The following EGFR variants were observed in gnomAD, a reference collection of about 807,000 sequenced individuals.
EGFR encodes the protein avian erythroblastic leukemia viral (v-erb-b) oncogene homolog.
In EGFR, 58 loss-of-function variants were observed where a neutral mutation model predicts 143.0. The ratio of observed to expected loss-of-function variants is 0.41; its 90% confidence interval spans 0.33 to 0.50. EGFR has a LOEUF of 0.50. Ranked by LOEUF, EGFR falls within the 20% of genes least tolerant of loss-of-function variation. EGFR has a pLI of 0.39. For missense variants in EGFR, 1,307 were observed against 1,579.0 expected (o/e 0.83, Z 2.92); for synonymous variants, 613 against 594.4 (o/e 1.03, Z -0.45).
intron 1 of EGFR, among the ~76,000 whole-genome samples, chr7:55,125,930 G>A (rs1293632961): frequency 6.6e-6 from 1 of 152,190 alleles, no homozygotes; most frequent in Non-Finnish European, 1.5e-5. Flanking sequence ...TACAAGCCTT[G>A]CAGCAGGAAC....
rs1788154782 is a variant in EGFR, at chr7:55,208,134, A to T, written c.*2517A>T. 6.6e-6 allele frequency: 1 copy of T among 152,164 alleles called. No individual in the cohort carries two copies. The highest frequency in any genetic ancestry group is 1.9e-4 in the East Asian group (1 of 5,198). The allele number at this position is 152,164 out of a possible 1,614,324, so 9.4% of individuals were successfully genotyped here. On this transcript the variant is annotated 3_prime_UTR_variant, in exon 28 of 28. Coordinates refer to ENST00000275493, the MANE Select transcript of EGFR (RefSeq NM_005228.5). ...TTCCACCATAAAGTTTAGTTGCTAA[A>T]TTCTATTAATTTTAAGATTGTGCTT...
At chr7:55,030,202 CG>C (rs1787171374) in intron 1 of EGFR, among the ~76,000 whole-genome samples, 1 of 151,954 alleles carries the variant, frequency 6.6e-6, no homozygotes, top group African/African-American at 2.4e-5. Context: ...TCCTTCAAGA[CG>C]TCATTGGGTT....
At chr7:55,138,392 C>T (rs1794275180) in intron 1 of EGFR, among the ~76,000 whole-genome samples, 1 of 152,214 alleles carries the variant, frequency 6.6e-6, no homozygotes, top group Admixed American at 6.5e-5. Context: ...GTAATATCAA[C>T]TCTTTCTTTG....
intron 2 of EGFR, among the ~76,000 whole-genome samples, chr7:55,142,823 C>A (rs549073048): frequency 6.6e-6 from 1 of 152,168 alleles, no homozygotes; most frequent in Non-Finnish European, 1.5e-5. Context: ...CCAAGTTTCA[C>A]TCAGCTGGTC....
At chr7:55,027,991 A>AAAAAAATAT (rs1554311534) in intron 1 of EGFR, among the ~76,000 whole-genome samples, 2 of 54,990 alleles carry the variant, frequency 3.6e-5, no homozygotes, top group South Asian at 8.5e-4. Context: ...AAAAAAAAAA[A>AAAAAAATAT]ATATATATAT....
chr7:55,176,838 ATATT>A (rs1562786980), intron 19 of EGFR, among the ~76,000 whole-genome samples: 1 of 147,120 alleles, frequency 6.8e-6, no homozygotes, highest in African/African-American at 2.5e-5. Flanking sequence ...AGAGAGATAT[ATATT>A]TAGAGAGATA....
At chr7:55,171,770 A>G (rs1786363376) in intron 16 of EGFR, among the ~76,000 whole-genome samples, 1 of 152,232 alleles carries the variant, frequency 6.6e-6, no homozygotes, top group Non-Finnish European at 1.5e-5. Flanking sequence ...ACTCACCAGG[A>G]AAGAGTGGTG....
At chr7:55,205,128 C>T (rs979189972) in intron 27 of EGFR, 128 bp from the exon 28 acceptor site, 4 of 1,421,544 alleles carry the variant, frequency 2.8e-6, no homozygotes, top group Admixed American at 2.1e-5. Flanking sequence ...CAAGAGGGCC[C>T]TCCCGAGGCT....
intron 27 of EGFR, among the ~76,000 whole-genome samples, chr7:55,204,884 CCA>C (rs924953715): frequency 1.3e-5 from 2 of 150,538 alleles, no homozygotes; most frequent in African/African-American, 2.4e-5. Flanking sequence ...CAAATATACA[CCA>C]CACACACATA....
chr7:55,052,569 C>T (rs553683519), intron 1 of EGFR, among the ~76,000 whole-genome samples: 4 of 152,340 alleles, frequency 2.6e-5, no homozygotes, highest in Admixed American at 1.3e-4. Flanking sequence ...CTAAGTGCTG[C>T]CCTTCCCAGA....
At chr7:55,200,152 C>A (rs1787782860) in intron 23 of EGFR, among the ~76,000 whole-genome samples, 164 bp from the exon 24 acceptor site, 1 of 152,174 alleles carries the variant, frequency 6.6e-6, no homozygotes, top group Non-Finnish European at 1.5e-5. Context: ...AAACAGTAAC[C>A]AGTACTAGCT....
chr7:55,172,784 A>C lies in EGFR; in HGVS notation c.1920-199A>C, dbSNP rs1786410103. The C allele has an allele frequency of 2.0e-6, 3 of 1,476,996 alleles. No individual in the cohort carries two copies. The African/African-American group carries it at 4.2e-5, about 21-fold the overall frequency. 91.5% of individuals were successfully genotyped at this position (1,476,996 alleles called of 1,614,324 possible). A position where few individuals can be genotyped will look rare whatever the true frequency, so the allele number is the denominator to read the frequency against. On this transcript the variant is annotated intron_variant, in intron 16 of 27. Transcript: ENST00000275493. Reference sequence around the variant, plus strand: ...TGAGGAAAAGTGTGCCTGGTAGGGGACTGGGGAGAGCTTGAGAAAGTTGGA... The same window carrying C: ...TGAGGAAAAGTGTGCCTGGTAGGGGCCTGGGGAGAGCTTGAGAAAGTTGGA...
chr7:55,178,078 C>G (rs1301912017), intron 19 of EGFR, among the ~76,000 whole-genome samples: 2 of 152,216 alleles, frequency 1.3e-5, no homozygotes, highest in Non-Finnish European at 2.9e-5. Flanking sequence ...GCTCCCCATT[C>G]CCAGCCCCAG....
At chr7:55,147,900 G>A (rs1324687919) in intron 4 of EGFR, among the ~76,000 whole-genome samples, 4 of 152,186 alleles carry the variant, frequency 2.6e-5, no homozygotes, top group African/African-American at 9.7e-5. Context: ...TTTGTGTCTG[G>A]CTTATTTCAC....
intron 1 of EGFR, among the ~76,000 whole-genome samples, chr7:55,090,272 G>T (rs1791032206): frequency 6.6e-6 from 1 of 152,080 alleles, no homozygotes; most frequent in African/African-American, 2.4e-5. Context: ...TTTTAGTTTT[G>T]ATGACCAGGT....
intron 1 of EGFR, among the ~76,000 whole-genome samples, chr7:55,083,862 A>C (rs1790609883): frequency 6.6e-6 from 1 of 152,214 alleles, no homozygotes; most frequent in Non-Finnish European, 1.5e-5. Flanking sequence ...ATGATTGGCC[A>C]GTTTAAATGA....
At chr7:55,086,988 C>G (rs1051911376) in intron 1 of EGFR, among the ~76,000 whole-genome samples, 5 of 152,094 alleles carry the variant, frequency 3.3e-5, no homozygotes, top group African/African-American at 7.2e-5. Context: ...AGTCATTTTT[C>G]AGGGTCATTC....
intron 20 of EGFR, among the ~76,000 whole-genome samples, chr7:55,187,385 TGC>T (rs1787187002): frequency 6.6e-5 from 10 of 152,156 alleles, no homozygotes; most frequent in Admixed American, 6.5e-4. Flanking sequence ...TTACGTCACT[TGC>T]CAAGATCTCA....
At chr7:55,052,919 G>A (rs1348088362) in intron 1 of EGFR, among the ~76,000 whole-genome samples, 2 of 152,150 alleles carry the variant, frequency 1.3e-5, no homozygotes, top group Non-Finnish European at 2.9e-5. Context: ...CATCCAAGCA[G>A]GTCGACTCTC....
Sources: gnomAD v4.1 joint callset for allele counts (sites outside exome capture counted in the v4.1 genomes callset) on GRCh38, gnomAD v4.1.1 for gene constraint, MANE v1.5 for transcripts, NCBI Gene and HGNC (gene_info 2026-07-23, HGNC 2026-07-21) for gene names.